Variants in LINGO2 observed in about 807,000 individuals in gnomAD.
LINGO2 encodes the protein leucine-rich repeat and immunoglobulin-like domain-containing nogo receptor-interacting protein 2.
In LINGO2, 14 loss-of-function variants were observed where a neutral mutation model predicts 30.6. The ratio of observed to expected loss-of-function variants is 0.46; its 90% CI spans 0.30 to 0.72. The LOEUF is 0.72. Among genes scored for constraint, LINGO2 ranks in the 30% least tolerant of loss-of-function variants. LINGO2 has a pLI of 0.07. For missense variants in LINGO2, 729 were observed against 751.7 expected, an observed-to-expected ratio of 0.97 and a Z score of 0.35; for synonymous variants, 317 against 288.5, an observed-to-expected ratio of 1.10 and a Z score of -1.00.
intron 1 of LINGO2, among the ~76,000 whole-genome samples, chr9:28,496,616 T>G (rs1196227713): frequency 5.3e-5 from 8 of 152,146 alleles, no homozygotes. Flanking sequence ...TTATCCAATT[T>G]GCCAGTCTGT....
At chr9:28,848,399 A>ATG in the LINGO2 span, among the ~76,000 whole-genome samples, 2 of 33,776 alleles carry the variant, frequency 5.9e-5, no homozygotes, top group East Asian at 8.9e-4. Context: ...GTGTGTGTGT[A>ATG]TATATATATA....
intron 4 of LINGO2, among the ~76,000 whole-genome samples, chr9:28,272,153 A>C (rs1822962517): frequency 6.6e-6 from 1 of 152,036 alleles, no homozygotes; most frequent in African/African-American, 2.4e-5. Flanking sequence ...CTATTTTAGT[A>C]ACCTTCTAAC....
chr9:28,827,230 G>A, the LINGO2 span, among the ~76,000 whole-genome samples: 1 of 152,220 alleles, frequency 6.6e-6, no homozygotes, highest in South Asian at 2.1e-4. Flanking sequence ...TGATAAAGCA[G>A]GCATCTCTTT....
At chr9:28,952,332 C>G in the LINGO2 span, among the ~76,000 whole-genome samples, 1 of 152,146 alleles carries the variant, frequency 6.6e-6, no homozygotes, top group Admixed American at 6.5e-5. Context: ...GACCTCACTA[C>G]TTTCTAGCTC....
At chr9:27,948,399 T>C (rs1024400338) in exon 6 of LINGO2, 3 of 159,200 alleles carry the variant, frequency 1.9e-5, no homozygotes, top group African/African-American at 7.2e-5. Flanking sequence ...ACCAACAATA[T>C]GGTATGATGC....
chr9:29,058,301 A>G, the LINGO2 span, among the ~76,000 whole-genome samples: 1 of 152,258 alleles, frequency 6.6e-6, no homozygotes, highest in Admixed American at 6.5e-5. Flanking sequence ...ACATCTTAGG[A>G]AGTAAAAACA....
intron 2 of LINGO2, among the ~76,000 whole-genome samples, chr9:28,414,404 T>G (rs1249931545): frequency 1.3e-5 from 2 of 152,080 alleles, no homozygotes; most frequent in African/African-American, 2.4e-5. Context: ...ATAAACAAAT[T>G]TTAACACATA....
chr9:28,712,985 C>T, the LINGO2 span, among the ~76,000 whole-genome samples: 34 of 152,176 alleles, frequency 2.2e-4, no homozygotes, highest in African/African-American at 6.5e-4. Context: ...CCTGCCTCAG[C>T]CTCCTGAGTA....
chr9:28,372,178 C>A (rs1049822455), intron 3 of LINGO2, among the ~76,000 whole-genome samples: 18 of 152,220 alleles, frequency 1.2e-4, no homozygotes, highest in Middle Eastern at 3.4e-3. Flanking sequence ...CAGATTGAAT[C>A]AGCTATTATA....
At chr9:27,963,575 G>A (rs1309540730) in intron 5 of LINGO2, among the ~76,000 whole-genome samples, 1 of 152,040 alleles carries the variant, frequency 6.6e-6, no homozygotes, top group African/African-American at 2.4e-5. Flanking sequence ...GATTAATTTA[G>A]TTCTCTGACT....
At chr9:28,056,949 T>C (rs2133100906) in intron 4 of LINGO2, among the ~76,000 whole-genome samples, 1 of 152,288 alleles carries the variant, frequency 6.6e-6, no homozygotes, top group Admixed American at 6.5e-5. Context: ...TATTGGATTT[T>C]AAGAGAGTGT....
intron 5 of LINGO2, among the ~76,000 whole-genome samples, chr9:28,005,077 G>T (rs573985714): frequency 6.6e-6 from 1 of 152,290 alleles, no homozygotes; most frequent in South Asian, 2.1e-4. Context: ...AAAGTGGCAG[G>T]ATACAGTTGT....
intron 4 of LINGO2, among the ~76,000 whole-genome samples, chr9:28,183,067 T>C (rs1275147558): frequency 1.3e-5 from 2 of 152,170 alleles, no homozygotes; most frequent in African/African-American, 2.4e-5. Flanking sequence ...CAAATGTCCA[T>C]TAATGATAGA....
intron 4 of LINGO2, among the ~76,000 whole-genome samples, chr9:28,087,100 A>G (rs1825937372): frequency 6.6e-6 from 1 of 152,076 alleles, no homozygotes; most frequent in African/African-American, 2.4e-5. Flanking sequence ...GAAGAAAAGA[A>G]AGCATAAACA....
chr9:28,743,250 A>C, the LINGO2 span, among the ~76,000 whole-genome samples: 1 of 152,016 alleles, frequency 6.6e-6, no homozygotes, highest in South Asian at 2.1e-4. Context: ...TTTGTTACAT[A>C]GGTATACACG....
rs189214202 is a variant in LINGO2, at chr9:28,550,899, G to T, written c.-364-74874C>A. Among the ~76,000 whole-genome samples the T allele has an allele frequency of 2.5e-3, 383 of 151,814 alleles. 1 individual carries two copies. Among genetic ancestry groups the T allele is most frequent in the African/African-American group, 7.1e-3 (294 of 41,512 alleles). ...TTATTTTGGATTACATATTCCTATG[G>T]TGAAAATTTAAATATGTACAAAAGA... is the stretch of plus-strand genomic sequence containing the variant. On this transcript the variant is annotated intron_variant, in intron 1 of 5. Coordinates refer to ENST00000379992, the Ensembl canonical transcript of LINGO2.
intron 4 of LINGO2, among the ~76,000 whole-genome samples, chr9:28,100,295 A>C (rs1232508997): frequency 1.3e-4 from 20 of 152,166 alleles, no homozygotes; most frequent in Admixed American, 1.3e-3. Flanking sequence ...AATCTCTTAC[A>C]ATGTGAGCTC....
At chr9:28,449,383 T>G (rs981860968) in intron 2 of LINGO2, among the ~76,000 whole-genome samples, 3 of 151,978 alleles carry the variant, frequency 2.0e-5, no homozygotes, top group Non-Finnish European at 4.4e-5. Context: ...GTGCATTTCT[T>G]TTTTTTAAAA....
intron 5 of LINGO2, among the ~76,000 whole-genome samples, chr9:27,983,851 T>A (rs2118943100): frequency 6.6e-6 from 1 of 152,028 alleles, no homozygotes; most frequent in South Asian, 2.1e-4. Context: ...TTTTGAGTTA[T>A]CCCAGAGTTT....
Sources: allele counts gnomAD v4.1 joint callset (sites outside exome capture counted in the v4.1 genomes callset), GRCh38; gene constraint gnomAD v4.1.1; transcripts MANE v1.5; gene names NCBI Gene and HGNC (gene_info 2026-07-23, HGNC 2026-07-21).